Variants in EML1 observed in about 807,000 individuals in gnomAD.
EML1 encodes the protein echinoderm microtubule-associated protein-like 1.
In EML1, 27 loss-of-function variants were observed where a neutral mutation model predicts 110.4. The ratio of observed to expected loss-of-function variants is 0.24; its 90% CI spans 0.18 to 0.34. The LOEUF (loss-of-function observed/expected upper bound fraction) is 0.34. Among genes scored for constraint, EML1 ranks in the 10% least tolerant of loss-of-function variants. The probability of loss-of-function intolerance (pLI) is 1.00; values close to 1 mark genes in which losing one functional copy is unlikely to be tolerated. For missense variants in EML1, 741 were observed against 1,030.9 expected, an observed-to-expected ratio of 0.72 and a Z score of 3.85; for synonymous variants, 344 against 385.8, an observed-to-expected ratio of 0.89 and a Z score of 1.27.
At chr14:99,780,459 AT>A (rs1433306381) in intron 1 of EML1, among the ~76,000 whole-genome samples, 2 of 151,316 alleles carry the variant, frequency 1.3e-5, no homozygotes. Flanking sequence ...CCCTTTTCCT[AT>A]TTTCCAGTTT....
intron 1 of EML1, chr14:99,809,632 G>A (rs777366643): frequency 2.2e-5 from 10 of 455,974 alleles, no homozygotes; most frequent in South Asian, 9.3e-5. Flanking sequence ...GGCCTGCAAC[G>A]TCTTATCTGC....
intron 3 of EML1, among the ~76,000 whole-genome samples, chr14:99,867,651 G>A (rs1327745596): frequency 7.0e-6 from 1 of 143,260 alleles, no homozygotes; most frequent in South Asian, 2.1e-4. Flanking sequence ...AAATGCATCT[G>A]ATTTTTGTGT....
intron 1 of EML1, among the ~76,000 whole-genome samples, chr14:99,823,482 A>G (rs2139752395): frequency 6.6e-6 from 1 of 152,258 alleles, no homozygotes; most frequent in East Asian, 1.9e-4. Flanking sequence ...GATCTATAAA[A>G]TTGGATAAAG....
rs1194596053 is a variant in EML1 at position 99,805,300 on chromosome 14, G to A, written c.67+11757G>A. On this transcript the variant is annotated intron_variant, in intron 1 of 21. Coordinates refer to ENST00000262233, the MANE Select transcript of EML1 (RefSeq NM_004434.3). ...GAGTTCAGAGTGGAAATATTAAATGGTACTTTGAGTCGTGCCTACTTAGGA... is the reference window on the plus strand; with the variant it reads ...GAGTTCAGAGTGGAAATATTAAATGATACTTTGAGTCGTGCCTACTTAGGA... 3.3e-5 allele frequency among the ~76,000 whole-genome samples: 5 copies of A among 152,276 alleles called. No homozygotes were observed. In the East Asian group the frequency reaches 7.7e-4, roughly 24 times the overall value.
chr14:99,858,396 G>A (rs536321413), intron 2 of EML1, among the ~76,000 whole-genome samples: 1 of 152,116 alleles, frequency 6.6e-6, no homozygotes, highest in Admixed American at 6.5e-5. Context: ...TGTTGGTCAG[G>A]CTGGTCGTGA....
intron 1 of EML1, among the ~76,000 whole-genome samples, chr14:99,821,520 C>T (rs563851259): frequency 9.9e-5 from 15 of 152,228 alleles, no homozygotes; most frequent in African/African-American, 3.6e-4. Context: ...AAAATGCCTC[C>T]CAGTAGCCTT....
At chr14:99,918,647 A>C (rs1184633443) in intron 16 of EML1, among the ~76,000 whole-genome samples, 2 of 152,050 alleles carry the variant, frequency 1.3e-5, no homozygotes, top group African/African-American at 2.4e-5. Context: ...GCAAGACCCT[A>C]TCTCTATAAA....
At chr14:99,806,001 G>A (rs552781593) in intron 1 of EML1, among the ~76,000 whole-genome samples, 2 of 152,126 alleles carry the variant, frequency 1.3e-5, no homozygotes, top group East Asian at 1.9e-4. Flanking sequence ...TCCAGCATTC[G>A]ACTTTCTTGT....
At chr14:99,914,063 A>G (rs527639440) in intron 13 of EML1, 116 bp from the exon 14 acceptor site, 34 of 1,231,132 alleles carry the variant, frequency 2.8e-5, no homozygotes, top group South Asian at 2.7e-4. Flanking sequence ...CATTATATAC[A>G]TATGTGTATA....
upstream of EML1, among the ~76,000 whole-genome samples, chr14:99,771,300 T>C (rs2057425858): frequency 6.6e-6 from 1 of 152,238 alleles, no homozygotes; most frequent in South Asian, 2.1e-4. Context: ...TGGTTTTGCC[T>C]ATTCTGGACG....
At chr14:99,780,425 C>T (rs2057526990) in intron 1 of EML1, among the ~76,000 whole-genome samples, 1 of 152,156 alleles carries the variant, frequency 6.6e-6, no homozygotes, top group East Asian at 1.9e-4. Flanking sequence ...TTCAGCTTGT[C>T]TGGGGCAGAT....
intron 4 of EML1, among the ~76,000 whole-genome samples, chr14:99,880,477 C>T (rs1227598966): frequency 1.3e-5 from 2 of 152,084 alleles, no homozygotes; most frequent in Non-Finnish European, 2.9e-5. Flanking sequence ...TGGAGTCTTG[C>T]TGAGAAATGC....
chr14:99,919,347 G>A lies in EML1; in HGVS notation c.1821-1442G>A, dbSNP rs2060087712. On this transcript the variant is annotated intron_variant, in intron 16 of 21. Coordinates refer to ENST00000262233, the MANE Select transcript of EML1 (RefSeq NM_004434.3). ...CAGGTCATAGGTAGCAATATCTTAAGTATTGGGCTCCATGTAGCCAACAGA... is the reference window on the plus strand; with the variant it reads ...CAGGTCATAGGTAGCAATATCTTAAATATTGGGCTCCATGTAGCCAACAGA... Among the ~76,000 whole-genome samples, 4 of 151,708 alleles carry A rather than the reference G, an allele frequency of 2.6e-5. No homozygotes were observed. In the Middle Eastern group the frequency reaches 0.014, roughly 516 times the overall value.
chr14:99,929,369 G>T (rs981451291), intron 17 of EML1, among the ~76,000 whole-genome samples: 3 of 152,182 alleles, frequency 2.0e-5, no homozygotes, highest in African/African-American at 7.2e-5. Context: ...TGTCACAGGG[G>T]ATGTGATATC....
At chr14:99,802,399 G>A (rs1232661436) in intron 1 of EML1, among the ~76,000 whole-genome samples, 2 of 152,038 alleles carry the variant, frequency 1.3e-5, no homozygotes, top group Non-Finnish European at 2.9e-5. Context: ...CAGGGGGAGG[G>A]CAGGTGGGAA....
At chr14:99,823,017 T>C (rs1221174118) in intron 1 of EML1, among the ~76,000 whole-genome samples, 2 of 152,082 alleles carry the variant, frequency 1.3e-5, no homozygotes, top group Admixed American at 1.3e-4. Context: ...CTTTGACAAG[T>C]GTGGGTTCCA....
intron 3 of EML1, among the ~76,000 whole-genome samples, chr14:99,867,791 C>T (rs914599074): frequency 6.6e-6 from 1 of 152,110 alleles, no homozygotes; most frequent in Non-Finnish European, 1.5e-5. Flanking sequence ...TGGATCCTTT[C>T]CTATTTGGAT....
chr14:99,839,254 A>G (rs923163749), intron 1 of EML1, among the ~76,000 whole-genome samples: 5 of 152,048 alleles, frequency 3.3e-5, no homozygotes, highest in Admixed American at 1.3e-4. Flanking sequence ...TCTAGTCCTC[A>G]TATTACTTTC....
At position 99,939,326 on chromosome 14, in the gene EML1, G is replaced by T. The variant is rs999958489; in HGVS notation, c.2321G>T (p.Arg774Met). ...HLFSYPCSQF[R>M]APSHIYGGHS... Reference sequence around the variant, plus strand: ...TTCTCATACCCCTGCTCGCAGTTCAGGGTAAAGGACTTGTTTCTTCACTAA... The same window carrying T: ...TTCTCATACCCCTGCTCGCAGTTCATGGTAAAGGACTTGTTTCTTCACTAA... Residue 774 changes from arginine (R) to methionine (M), a missense_variant and splice_region_variant, in exon 21 of 22, where the codon AGG becomes ATG. Arg to Met is a moderately conservative substitution (Grantham distance 91, BLOSUM62 -1). This residue lies in a region of EML1 where 114 missense variants were observed against 122.5 expected (regional missense o/e 0.93). Transcript: ENST00000262233. This position sits in a 1 kb window ranked among gnomAD's most constrained non-coding sequence, Gnocchi z 4.2. 1.2e-6 allele frequency: 2 copies of T among 1,614,208 alleles called. No individual in the cohort carries two copies. The highest frequency in any genetic ancestry group is 1.7e-6 in the Non-Finnish European group (2 of 1,180,030).
Sources: gnomAD v4.1 joint callset for allele counts (sites outside exome capture counted in the v4.1 genomes callset) on GRCh38, gnomAD v4.1.1 for gene constraint, gnomAD v4.1.1 regional missense constraint, Gnocchi (gnomAD v3.1) non-coding constraint, MANE v1.5 for transcripts, NCBI Gene and HGNC (gene_info 2026-07-23, HGNC 2026-07-21) for gene names.